DNAH3: variants seen among roughly 807,000 people sequenced by gnomAD.
The protein encoded by DNAH3 is axonemal beta dynein heavy chain 3.
Under a neutral mutation model 432.5 loss-of-function variants are expected in DNAH3, and 332 were observed. That is an observed-to-expected ratio of 0.77 (90% confidence interval 0.70 to 0.84). DNAH3 has a LOEUF of 0.84. Ranked by LOEUF, DNAH3 falls within the 40% of genes least tolerant of loss-of-function variation. The probability of loss-of-function intolerance (pLI) is 0.00; values close to 1 mark genes in which losing one functional copy is unlikely to be tolerated. For missense variants in DNAH3, 4,861 were observed against 5,114.0 expected, an observed-to-expected ratio of 0.95 and a Z score of 1.51; for synonymous variants, 1,956 against 1,900.2, an observed-to-expected ratio of 1.03 and a Z score of -0.76.
chr16:21,147,187 G>C (rs11074484), intron 1 of DNAH3, among the ~76,000 whole-genome samples: 1 of 151,582 alleles, frequency 6.6e-6, no homozygotes, highest in Non-Finnish European at 1.5e-5. Context: ...CCTCAGGTAT[G>C]ATTAAAGGAG....
chr16:20,969,041 T>A (rs1037517833), intron 52 of DNAH3, among the ~76,000 whole-genome samples: 3 of 152,062 alleles, frequency 2.0e-5, no homozygotes, highest in African/African-American at 7.2e-5. Context: ...TATGTCTGCA[T>A]CTCACTTGTG....
At position 21,010,888 on chromosome 16, in the gene DNAH3, GT is replaced by G. The variant is rs200472753; in HGVS notation, c.6023-7682del. 2.7e-3 allele frequency among the ~76,000 whole-genome samples: 368 copies of G among 138,752 alleles called. 7 individuals are homozygous for G. In the South Asian group the frequency reaches 0.045, roughly 17 times the overall value. The allele number at this position is 138,752 out of a possible 152,430, so 91.0% of individuals were successfully genotyped here. ...GAACCACCACGCCCGGCCAAAACCT[GT>G]TTTTTTTTTTTTGTTTTTTTTTGTT... is the stretch of plus-strand genomic sequence containing the variant. On this transcript the variant is annotated intron_variant, in intron 41 of 61. Coordinates refer to ENST00000261383, the Ensembl canonical transcript of DNAH3.
chr16:21,039,107 G>A, intron 33 of DNAH3, among the ~76,000 whole-genome samples: 1 of 151,742 alleles, frequency 6.6e-6, no homozygotes, highest in East Asian at 2.0e-4. Flanking sequence ...TAGAAAACTG[G>A]ACAATACTTG....
intron 19 of DNAH3, among the ~76,000 whole-genome samples, chr16:21,083,221 G>A (rs1387152313): frequency 6.6e-6 from 1 of 151,982 alleles, no homozygotes; most frequent in Non-Finnish European, 1.5e-5. Context: ...TCGCCATGTT[G>A]GCCAGACTGC....
chr16:20,981,351 A>G (rs1178073613), intron 49 of DNAH3, among the ~76,000 whole-genome samples: 1 of 152,186 alleles, frequency 6.6e-6, no homozygotes, highest in African/African-American at 2.4e-5. Flanking sequence ...GGTCTAGATA[A>G]TAAAGTTCAA....
chr16:21,073,166 T>C (rs2090854652), intron 21 of DNAH3, among the ~76,000 whole-genome samples: 1 of 152,162 alleles, frequency 6.6e-6, no homozygotes, highest in African/African-American at 2.4e-5. Context: ...GAGGCTAAAT[T>C]TGGGCCTAGC....
exon 48 of DNAH3, chr16:20,985,503 A>G (rs754288140): frequency 6.2e-7 from 1 of 1,614,142 alleles, no homozygotes; most frequent in Non-Finnish European, 8.5e-7. Flanking sequence ...AGATGTGCTC[A>G]ATGGCAAACC....
At chr16:20,979,279 T>C in intron 50 of DNAH3, 51 bp downstream of exon 50, 1 of 1,574,536 alleles carries the variant, frequency 6.4e-7, no homozygotes, top group Non-Finnish European at 8.7e-7. Flanking sequence ...CCTCGGCACA[T>C]CCACCTCGTC....
intron 1 of DNAH3, among the ~76,000 whole-genome samples, chr16:21,148,195 A>G (rs142169103): frequency 5.3e-5 from 8 of 152,264 alleles, no homozygotes; most frequent in African/African-American, 1.9e-4. Context: ...CAAATTAACC[A>G]TCATTATCTC....
exon 29 of DNAH3, chr16:21,051,712 G>C (rs115512938): frequency 6.8e-6 from 11 of 1,613,590 alleles, no homozygotes; most frequent in Non-Finnish European, 9.3e-6. Flanking sequence ...CAGCCGGGGG[G>C]AGTTTCCCAG....
chr16:20,963,928 T>C (rs1567538056), exon 53 of DNAH3: 1 of 1,614,146 alleles, frequency 6.2e-7, no homozygotes, highest in Non-Finnish European at 8.5e-7. Context: ...CAGGGAGTAC[T>C]GGTACATCGG....
At chr16:21,044,298 C>A (rs1487786148) in intron 31 of DNAH3, among the ~76,000 whole-genome samples, 1 of 149,736 alleles carries the variant, frequency 6.7e-6, no homozygotes, top group Non-Finnish European at 1.5e-5. Flanking sequence ...ATTCTTCCTA[C>A]CCATGAGCAT....
At chr16:21,122,151 C>G (rs373933844) in intron 9 of DNAH3, 27 bp from the exon 11 acceptor site, 1 of 1,574,226 alleles carries the variant, frequency 6.4e-7, no homozygotes, top group African/African-American at 1.4e-5. Flanking sequence ...GTAGGGCAAG[C>G]GTTACAAAAT....
intron 44 of DNAH3, among the ~76,000 whole-genome samples, chr16:20,993,760 C>T (rs1184212138): frequency 2.0e-5 from 3 of 151,884 alleles, no homozygotes; most frequent in Non-Finnish European, 2.9e-5. Flanking sequence ...CATAGCTCAC[C>T]GCAGCCTTGA....
rs2089197173 is a variant in DNAH3, at chr16:21,036,863, T to C, written c.4951-15A>G. 6.3e-7 allele frequency: 1 copy of C among 1,598,386 alleles called. No homozygotes were observed. Among genetic ancestry groups the C allele is most frequent in the Non-Finnish European group, 8.6e-7 (1 of 1,168,428 alleles). On this transcript the variant is annotated splice_polypyrimidine_tract_variant and intron_variant, in intron 34 of 61. Coordinates refer to ENST00000261383, the Ensembl canonical transcript of DNAH3. ...GATATAATTCCCTGTTAAAAAGAAT[T>C]TAAAAGAAAGTGGAAAGGATAAAGT...
At chr16:21,014,122 G>A (rs1447832512) in intron 41 of DNAH3, among the ~76,000 whole-genome samples, 8 of 152,138 alleles carry the variant, frequency 5.3e-5, no homozygotes, top group Admixed American at 3.9e-4. Flanking sequence ...GCCAGATAAA[G>A]ACATTATAAG....
At chr16:20,967,886 C>T (rs975679425) in intron 52 of DNAH3, among the ~76,000 whole-genome samples, 1 of 152,092 alleles carries the variant, frequency 6.6e-6, no homozygotes, top group Non-Finnish European at 1.5e-5. Flanking sequence ...CTCATCTTTG[C>T]TCAAGGCCAA....
intron 29 of DNAH3, 46 bp downstream of exon 29, chr16:21,051,624 T>C (rs1567703603): frequency 6.3e-7 from 1 of 1,591,638 alleles, no homozygotes; most frequent in East Asian, 2.2e-5. Context: ...CTTCTTCCCC[T>C]GGAGTTCTCC....
chr16:21,126,810 G>A (rs986090405), intron 8 of DNAH3, among the ~76,000 whole-genome samples: 2 of 151,992 alleles, frequency 1.3e-5, no homozygotes, highest in Non-Finnish European at 2.9e-5. Context: ...TCACAGAAGC[G>A]TGAACCCTAC....
Sources: allele counts gnomAD v4.1 joint callset (sites outside exome capture counted in the v4.1 genomes callset), GRCh38; gene constraint gnomAD v4.1.1; transcripts MANE v1.5; gene names NCBI Gene and HGNC (gene_info 2026-07-23, HGNC 2026-07-21).